COL19A1: variants seen among roughly 807,000 people sequenced by gnomAD.
COL19A1 encodes collagen alpha-1(XIX) chain.
COL19A1 carries 159 observed loss-of-function variants against 190.2 expected under a neutral mutation model. The observed-to-expected ratio is 0.84, with a 90% CI of 0.73 to 0.95. The LOEUF is 0.95. Among genes scored for constraint, COL19A1 ranks in the 40% least tolerant of loss-of-function variants. The probability of loss-of-function intolerance (pLI) is 0.00; values close to 1 mark genes in which losing one functional copy is unlikely to be tolerated. For missense variants in COL19A1, 1,418 were observed against 1,431.9 expected (o/e 0.99, Z 0.16); for synonymous variants, 509 against 458.9 (o/e 1.11, Z -1.39).
chr6:70,154,369 T>C (rs1379968095), intron 31 of COL19A1, among the ~76,000 whole-genome samples: 1 of 152,130 alleles, frequency 6.6e-6, no homozygotes, highest in African/African-American at 2.4e-5. Flanking sequence ...TGATGGGCTT[T>C]TGGGTTGGTT....
intron 9 of COL19A1, among the ~76,000 whole-genome samples, chr6:69,948,765 T>A (rs1456317685): frequency 6.6e-6 from 1 of 151,796 alleles, no homozygotes; most frequent in African/African-American, 2.4e-5. Flanking sequence ...AGAAGTCCAC[T>A]TTTGTAGAAA....
intron 15 of COL19A1, chr6:70,098,315 C>G (rs1160685031): frequency 2.4e-6 from 1 of 423,014 alleles, no homozygotes; most frequent in Admixed American, 2.3e-5. Flanking sequence ...GTAAAATTCA[C>G]CCTACCAAAA....
At chr6:70,020,627 A>G (rs1254661616) in intron 11 of COL19A1, among the ~76,000 whole-genome samples, 19 of 152,150 alleles carry the variant, frequency 1.2e-4, no homozygotes, top group East Asian at 1.9e-4. Context: ...GTGGTTCTCA[A>G]TCAGAGGTGA....
intron 11 of COL19A1, among the ~76,000 whole-genome samples, chr6:70,001,956 G>T (rs1384667791): frequency 6.6e-6 from 1 of 152,154 alleles, no homozygotes; most frequent in African/African-American, 2.4e-5. Context: ...TTTTCAAAGG[G>T]AATGCTTCCA....
At chr6:70,173,278 G>T (rs1765602243) in intron 41 of COL19A1, among the ~76,000 whole-genome samples, 1 of 152,158 alleles carries the variant, frequency 6.6e-6, no homozygotes, top group African/African-American at 2.4e-5. Flanking sequence ...TATAAATTTG[G>T]CTGTTCTAAG....
chr6:70,056,126 T>C (rs1278003115), intron 14 of COL19A1, among the ~76,000 whole-genome samples: 9 of 152,164 alleles, frequency 5.9e-5, no homozygotes, highest in Admixed American at 5.9e-4. Context: ...ATCTCCATTC[T>C]TGGTTTTACT....
At chr6:70,175,525 C>T (rs1317462755) in intron 41 of COL19A1, among the ~76,000 whole-genome samples, 2 of 151,830 alleles carry the variant, frequency 1.3e-5, no homozygotes, top group African/African-American at 4.8e-5. Context: ...ATTATTAGAA[C>T]TGTTTGTTAA....
intron 12 of COL19A1, among the ~76,000 whole-genome samples, chr6:70,026,568 A>G (rs954534864): frequency 1.3e-5 from 2 of 152,220 alleles, no homozygotes; most frequent in Non-Finnish European, 2.9e-5. Flanking sequence ...AATTTTGCCA[A>G]AGATATTCAG....
chr6:70,131,499 G>A (rs961492699), intron 18 of COL19A1, among the ~76,000 whole-genome samples: 1 of 152,160 alleles, frequency 6.6e-6, no homozygotes, highest in Non-Finnish European at 1.5e-5. Flanking sequence ...TTCTGAAAAA[G>A]ACATCCAAAA....
At chr6:69,988,738 A>G (rs751718354) in intron 11 of COL19A1, among the ~76,000 whole-genome samples, 1 of 152,176 alleles carries the variant, frequency 6.6e-6, no homozygotes, top group Non-Finnish European at 1.5e-5. Context: ...TATCAGTTCA[A>G]TCATCATCTC....
chr6:69,885,821 G>A (rs530317163), intron 2 of COL19A1, among the ~76,000 whole-genome samples: 1 of 152,030 alleles, frequency 6.6e-6, no homozygotes, highest in African/African-American at 2.4e-5. Flanking sequence ...TTTTTTTAAG[G>A]CTGAATAATA....
chr6:69,969,516 T>C (rs2150053467), intron 11 of COL19A1, among the ~76,000 whole-genome samples: 1 of 151,914 alleles, frequency 6.6e-6, no homozygotes, highest in East Asian at 1.9e-4. Flanking sequence ...CACCCAACCA[T>C]GAATCAAAAA....
intron 12 of COL19A1, among the ~76,000 whole-genome samples, chr6:70,025,224 G>T (rs531821134): frequency 6.6e-6 from 1 of 152,202 alleles, no homozygotes; most frequent in Admixed American, 6.5e-5. Context: ...TAGAGACGGG[G>T]TTTCACCGTG....
intron 11 of COL19A1, among the ~76,000 whole-genome samples, chr6:69,997,515 A>G (rs1272281654): frequency 2.0e-5 from 3 of 152,178 alleles, no homozygotes; most frequent in Non-Finnish European, 4.4e-5. Context: ...AAAATATGAC[A>G]ATTACTCAAT....
rs758706477 is a variant in COL19A1, at chr6:70,136,316, T to A, written c.1384-1369T>A. ...GCTTCAAAATGAACAATTAGGCACA[T>A]CCACAGGGGTCAGGATTAGAGATGT... On this transcript the variant is annotated intron_variant, in intron 18 of 50. Transcript: ENST00000620364. Among the ~76,000 whole-genome samples, 8 of 152,124 alleles carry A rather than the reference T, an allele frequency of 5.3e-5. No individual in the cohort carries two copies. In the South Asian group the frequency reaches 8.3e-4, roughly 16 times the overall value.
At chr6:70,199,940 A>C (rs1767449296) in intron 49 of COL19A1, 1 of 494,334 alleles carries the variant, frequency 2.0e-6, no homozygotes, top group Admixed American at 2.9e-5. Context: ...AACTATTACT[A>C]CTTCAAATTT....
intron 16 of COL19A1, among the ~76,000 whole-genome samples, chr6:70,107,921 A>G (rs1456583257): frequency 3.3e-5 from 5 of 152,152 alleles, no homozygotes; most frequent in East Asian, 1.9e-4. Context: ...TCACACTCCA[A>G]TAAAAGCTTG....
chr6:70,119,917 C>A (rs188003938), intron 16 of COL19A1, among the ~76,000 whole-genome samples: 1 of 152,124 alleles, frequency 6.6e-6, no homozygotes, highest in Non-Finnish European at 1.5e-5. Flanking sequence ...ATGGCGAAAC[C>A]CTACCTCTAC....
At chr6:70,119,752 G>A (rs1163248351) in intron 16 of COL19A1, among the ~76,000 whole-genome samples, 4 of 152,140 alleles carry the variant, frequency 2.6e-5, no homozygotes, top group Non-Finnish European at 4.4e-5. Context: ...GACTAAATTA[G>A]TTAATTCCTG....
Sources: gnomAD v4.1 joint callset for allele counts (sites outside exome capture counted in the v4.1 genomes callset) on GRCh38, gnomAD v4.1.1 for gene constraint, MANE v1.5 for transcripts, NCBI Gene and HGNC (gene_info 2026-07-23, HGNC 2026-07-21) for gene names.